ANGPT2: variants seen among roughly 807,000 people sequenced by gnomAD.
ANGPT2 encodes the protein angiopoietin-2.
A neutral mutation model predicts 62.9 loss-of-function variants in ANGPT2; 28 were observed. The observed-to-expected ratio is 0.44, with a 90% CI of 0.33 to 0.61. The LOEUF (loss-of-function observed/expected upper bound fraction) is 0.61. ANGPT2 is among the 20% of genes least tolerant of loss of function. ANGPT2 has a pLI of 0.03. For missense variants in ANGPT2, 727 were observed against 594.9 expected, an observed-to-expected ratio of 1.22 and a Z score of -2.31; for synonymous variants, 284 against 207.8, an observed-to-expected ratio of 1.37 and a Z score of -3.15.
chr8:6,504,279 C>G (rs1041531974), intron 8 of ANGPT2, among the ~76,000 whole-genome samples: 3 of 136,802 alleles, frequency 2.2e-5, no homozygotes, highest in Admixed American at 8.3e-5. Context: ...GATCGCGCCA[C>G]TGCACTCCAG....
At chr8:6,515,314 T>G (rs889725315) in intron 5 of ANGPT2, among the ~76,000 whole-genome samples, 2 of 152,144 alleles carry the variant, frequency 1.3e-5, no homozygotes, top group Admixed American at 1.3e-4. Flanking sequence ...TTGGCTTCCT[T>G]TATGTGCAAT....
intron 3 of ANGPT2, among the ~76,000 whole-genome samples, chr8:6,521,768 T>C (rs1198664287): frequency 6.6e-6 from 1 of 152,224 alleles, no homozygotes; most frequent in Non-Finnish European, 1.5e-5. Flanking sequence ...CATGAAGTGC[T>C]TTTTTGAGAA....
At chr8:6,532,877 G>C (rs1819795097) in intron 1 of ANGPT2, among the ~76,000 whole-genome samples, 1 of 152,182 alleles carries the variant, frequency 6.6e-6, no homozygotes, top group Admixed American at 6.6e-5. Context: ...GTCAGGAAAT[G>C]ATAATTTGAC....
intron 5 of ANGPT2, among the ~76,000 whole-genome samples, chr8:6,519,287 C>T (rs918455637): frequency 6.6e-6 from 1 of 152,190 alleles, no homozygotes; most frequent in African/African-American, 2.4e-5. Flanking sequence ...CACCACCGGT[C>T]TGTGGCACTG....
At chr8:6,556,570 A>G (rs2922894) in intron 1 of ANGPT2, among the ~76,000 whole-genome samples, 20,078 of 152,094 alleles carry the variant, frequency 0.13, 3,654 homozygotes, top group African/African-American at 0.41. Flanking sequence ...CGTTCTGACC[A>G]AAGCATAGTG....
chr8:6,514,884 G>C, intron 5 of ANGPT2, 106 bp from the exon 6 acceptor site: 1 of 884,194 alleles, frequency 1.1e-6, no homozygotes, highest in Non-Finnish European at 1.8e-6. Context: ...CAGCCGAGAG[G>C]GTTCTCTGGG....
rs894282341 is a variant in ANGPT2, at chr8:6,500,354, C to A, written c.*2747G>T. The A allele has an allele frequency of 6.2e-6, 1 of 162,218 alleles. No homozygotes were observed. Among genetic ancestry groups the A allele is most frequent in the African/African-American group, 2.4e-5 (1 of 41,534 alleles). The allele number at this position is 162,218 out of a possible 1,614,324, so 10.0% of individuals were successfully genotyped here. On this transcript the variant is annotated 3_prime_UTR_variant, in exon 9 of 9. Transcript: ENST00000629816. ...CTTTCCTAAATTCCACTTCAACTTT[C>A]AAATGCTTCATTGAAAAGTTCTGGG...
intron 5 of ANGPT2, among the ~76,000 whole-genome samples, chr8:6,519,228 G>A (rs1816850782): frequency 6.6e-6 from 1 of 152,152 alleles, no homozygotes; most frequent in Non-Finnish European, 1.5e-5. Flanking sequence ...GTGTCCCTCA[G>A]ACCATGTCAC....
At chr8:6,514,626 C>T in intron 6 of ANGPT2, 51 bp downstream of exon 6, 1 of 1,514,322 alleles carries the variant, frequency 6.6e-7, no homozygotes, top group South Asian at 1.1e-5. Flanking sequence ...ATCTTGAAAG[C>T]TATTTTTCAC....
At chr8:6,509,179 G>A in intron 7 of ANGPT2, 117 bp from the exon 8 acceptor site, 1 of 1,302,932 alleles carries the variant, frequency 7.7e-7, no homozygotes, top group Admixed American at 2.3e-5. Context: ...CTCGTTAATG[G>A]ACTAATGCAT....
At chr8:6,532,227 G>A in intron 2 of ANGPT2, 105 bp downstream of exon 2, 1 of 1,292,268 alleles carries the variant, frequency 7.7e-7, no homozygotes, top group South Asian at 1.3e-5. Flanking sequence ...TCCTGTGGTG[G>A]TGCTTTCTTT....
chr8:6,509,847 C>T (rs552673511), intron 7 of ANGPT2, among the ~76,000 whole-genome samples: 6 of 152,172 alleles, frequency 3.9e-5, no homozygotes, highest in Non-Finnish European at 4.4e-5. Context: ...TTTGGCAACA[C>T]GGTGCACGCA....
rs55633437 is a variant in ANGPT2, at chr8:6,521,263, C to G, written c.714G>C (p.Thr238=). The part of the protein sequence containing the change: ...EELEKKIVTA[T]VNNSVLQKQQ... The stretch of plus-strand genomic sequence containing the variant: ...GCTTCTGAAGAACTGAATTATTCAC[C>G]GTGGCAGTCACTATTTTTTTTTCTA... The change falls in exon 4 of 9, where the codon ACG becomes ACC. Residue 238 remains threonine, a synonymous_variant. Coordinates refer to ENST00000629816, the MANE Select transcript of ANGPT2 (RefSeq NM_001118887.2). The G allele has an allele frequency of 7.4e-6, 12 of 1,613,804 alleles. No homozygotes were observed. The highest frequency in any genetic ancestry group is 2.2e-5 in the East Asian group (1 of 44,812).
intron 1 of ANGPT2, among the ~76,000 whole-genome samples, chr8:6,533,196 TCTC>T (rs923789511): frequency 6.6e-6 from 1 of 152,236 alleles, no homozygotes; most frequent in African/African-American, 2.4e-5. Flanking sequence ...GGCTGGTTCT[TCTC>T]TCCCTCAGTT....
intron 3 of ANGPT2, among the ~76,000 whole-genome samples, chr8:6,522,783 AAAG>A (rs1817618292): frequency 6.7e-6 from 1 of 150,064 alleles, no homozygotes; most frequent in African/African-American, 2.5e-5. Context: ...CAAAAAAAAA[AAAG>A]AAAAGAAAAG....
chr8:6,532,184 C>T (rs1253581739), intron 2 of ANGPT2, 148 bp downstream of exon 2: 10 of 915,186 alleles, frequency 1.1e-5, no homozygotes, highest in Middle Eastern at 3.2e-4. Context: ...AGCAGCCATA[C>T]ATCCTTAATT....
At chr8:6,517,327 A>G (rs572678047) in intron 5 of ANGPT2, among the ~76,000 whole-genome samples, 2 of 152,310 alleles carry the variant, frequency 1.3e-5, no homozygotes, top group South Asian at 2.1e-4. Flanking sequence ...TTCAACTCTG[A>G]GGCAATGATT....
intron 2 of ANGPT2, 68 bp downstream of exon 2, chr8:6,532,264 C>G (rs956090963): frequency 6.3e-7 from 1 of 1,583,898 alleles, no homozygotes; most frequent in Non-Finnish European, 8.6e-7. Context: ...ATTGAGGAAG[C>G]TCCTGACGCG....
At chr8:6,560,000 T>A (rs1031552441) in intron 1 of ANGPT2, among the ~76,000 whole-genome samples, 3 of 152,216 alleles carry the variant, frequency 2.0e-5, no homozygotes, top group Non-Finnish European at 4.4e-5. Context: ...GACCTTTTGA[T>A]GATGTGAAAC....
Sources: gnomAD v4.1 joint callset for allele counts (sites outside exome capture counted in the v4.1 genomes callset) on GRCh38, gnomAD v4.1.1 for gene constraint, MANE v1.5 for transcripts, NCBI Gene and HGNC (gene_info 2026-07-23, HGNC 2026-07-21) for gene names.